Variants in IL1RAPL1 observed in about 807,000 individuals in gnomAD.
The protein encoded by IL1RAPL1 is interleukin 1 receptor accessory protein like 1, also known as interleukin-1 receptor accessory protein-like 1.
Under a neutral mutation model 48.4 loss-of-function variants are expected in IL1RAPL1, and 3 were observed. The observed-to-expected ratio is 0.06, with a 90% CI of 0.03 to 0.16. The LOEUF (loss-of-function observed/expected upper bound fraction) is 0.16, where lower values mean the gene tolerates loss of function less well. IL1RAPL1 is among the 10% of genes least tolerant of loss of function. The probability of loss-of-function intolerance (pLI) is 1.00; values close to 1 mark genes in which losing one functional copy is unlikely to be tolerated. For synonymous variants in IL1RAPL1, 185 were observed against 187.7 expected (o/e 0.99, Z 0.12); for missense variants, 349 against 530.6 (o/e 0.66, Z 3.36).
At chrX:29,834,411 A>T (rs1930947219) in intron 6 of IL1RAPL1, among the ~76,000 whole-genome samples, 1 of 111,425 alleles carries the variant, frequency 9.0e-6, no homozygotes, top group Non-Finnish European at 1.9e-5. Flanking sequence ...TTACATTTTT[A>T]AAATGGAAAT....
At chrX:29,424,651 G>T (rs1025979704) in intron 5 of IL1RAPL1, among the ~76,000 whole-genome samples, 1 of 111,799 alleles carries the variant, frequency 8.9e-6, no homozygotes, top group African/African-American at 3.3e-5. Context: ...GTGAAGCAGG[G>T]TGGTTCTGTG....
intron 2 of IL1RAPL1, among the ~76,000 whole-genome samples, chrX:29,241,163 TAG>T (rs1209109741): frequency 8.9e-6 from 1 of 111,796 alleles, no homozygotes; most frequent in African/African-American, 3.3e-5. Flanking sequence ...CTGAAACTAA[TAG>T]AGTCATACAA....
chrX:29,238,696 T>C (rs1474279362), intron 2 of IL1RAPL1, among the ~76,000 whole-genome samples: 1 of 112,260 alleles, frequency 8.9e-6, no homozygotes, highest in African/African-American at 3.2e-5. Flanking sequence ...TCATCCATTA[T>C]GTTTGGGAGG....
At chrX:28,890,974 G>A (rs1922756342) in intron 2 of IL1RAPL1, among the ~76,000 whole-genome samples, 1 of 112,291 alleles carries the variant, frequency 8.9e-6, no homozygotes, top group African/African-American at 3.2e-5. Context: ...TAAGGGTGTG[G>A]TATTTGTCTG....
intron 2 of IL1RAPL1, among the ~76,000 whole-genome samples, chrX:29,230,241 G>C (rs1931164588): frequency 9.0e-6 from 1 of 110,545 alleles, no homozygotes; most frequent in Non-Finnish European, 1.9e-5. Flanking sequence ...GAAGCCAGCT[G>C]TTAAAAACAA....
At chrX:29,950,838 G>A (rs1282487052) in intron 9 of IL1RAPL1, among the ~76,000 whole-genome samples, 1 of 109,955 alleles carries the variant, frequency 9.1e-6, no homozygotes, top group Non-Finnish European at 1.9e-5. Flanking sequence ...AACCACGCCT[G>A]GCTAAATTTT....
intron 5 of IL1RAPL1, among the ~76,000 whole-genome samples, chrX:29,453,232 A>G (rs752508966): frequency 3.6e-5 from 4 of 110,405 alleles, no homozygotes; most frequent in Non-Finnish European, 5.7e-5. Context: ...AGTGCAATCT[A>G]TATGCTGTAA....
chrX:29,519,480 C>G (rs1483031341), intron 5 of IL1RAPL1, among the ~76,000 whole-genome samples: 4 of 111,717 alleles, frequency 3.6e-5, no homozygotes, highest in Non-Finnish European at 7.5e-5. Context: ...CTGGTCACTG[C>G]AGCTGGTTAT....
At chrX:29,332,640 ATTTATTTATTTTATTTTTTT>A (rs1490947077) in intron 3 of IL1RAPL1, among the ~76,000 whole-genome samples, 3 of 96,023 alleles carry the variant, frequency 3.1e-5, no homozygotes, top group African/African-American at 1.4e-4. Flanking sequence ...TTATTTATTT[ATTTATTTATTTTATTTTTTT>A]TTTTTTATTG....
At chrX:29,461,843 G>C (rs1473640611) in intron 5 of IL1RAPL1, among the ~76,000 whole-genome samples, 1 of 111,748 alleles carries the variant, frequency 8.9e-6, no homozygotes, top group Non-Finnish European at 1.9e-5. Flanking sequence ...AAATCAGTGG[G>C]TTCCTGGGAC....
chrX:29,415,484 A>G (rs747084368), intron 5 of IL1RAPL1, among the ~76,000 whole-genome samples: 2 of 110,498 alleles, frequency 1.8e-5, no homozygotes, highest in South Asian at 7.7e-4. Flanking sequence ...CAGTGGTGCA[A>G]TCTCGGCTCA....
intron 2 of IL1RAPL1, among the ~76,000 whole-genome samples, chrX:29,211,928 A>AAG (rs1930776239): frequency 9.0e-6 from 1 of 110,812 alleles, no homozygotes; most frequent in Non-Finnish European, 1.9e-5. Context: ...TTATAGTCTC[A>AAG]GAAAATCACC....
chrX:29,612,042 A>G (rs1924112857), intron 5 of IL1RAPL1, among the ~76,000 whole-genome samples: 1 of 111,209 alleles, frequency 9.0e-6, no homozygotes, highest in African/African-American at 3.3e-5. Flanking sequence ...ATAGGGGGGC[A>G]TAGTAGGACA....
At chrX:28,663,212 C>T (rs1040780600) in intron 1 of IL1RAPL1, among the ~76,000 whole-genome samples, 1 of 109,192 alleles carries the variant, frequency 9.2e-6, no homozygotes, top group African/African-American at 3.4e-5. Flanking sequence ...AGGAAGTTTA[C>T]ACAGAATATT....
At chrX:29,944,062 A>C (rs947398612) in intron 9 of IL1RAPL1, among the ~76,000 whole-genome samples, 17 of 111,981 alleles carry the variant, frequency 1.5e-4, no homozygotes, top group African/African-American at 4.9e-4. Context: ...AGGCCATCTT[A>C]AGCACAATCG....
chrX:29,786,632 A>C (rs1408108640), intron 6 of IL1RAPL1, among the ~76,000 whole-genome samples: 3 of 108,687 alleles, frequency 2.8e-5, no homozygotes, highest in Non-Finnish European at 3.9e-5. Context: ...GGAGGGAGAG[A>C]GGAAGAAGAA....
chrX:29,707,091 C>T (rs373077351), intron 6 of IL1RAPL1, among the ~76,000 whole-genome samples: 2 of 110,452 alleles, frequency 1.8e-5, no homozygotes, highest in African/African-American at 6.6e-5. Flanking sequence ...AACAAATCAG[C>T]GAGAAAAAAA....
intron 2 of IL1RAPL1, among the ~76,000 whole-genome samples, chrX:29,193,692 A>C (rs1930392737): frequency 9.0e-6 from 1 of 111,409 alleles, no homozygotes; most frequent in Admixed American, 9.6e-5. Flanking sequence ...GAAACAGCCT[A>C]TATCTTGGTT....
At chrX:28,884,887 A>G (rs2079018305) in intron 2 of IL1RAPL1, among the ~76,000 whole-genome samples, 1 of 111,819 alleles carries the variant, frequency 8.9e-6, no homozygotes, top group Non-Finnish European at 1.9e-5. Flanking sequence ...ATGCTTGCCT[A>G]ATGTGATTTA....
Sources: allele counts gnomAD v4.1 joint callset (sites outside exome capture counted in the v4.1 genomes callset), GRCh38; gene constraint gnomAD v4.1.1; transcripts MANE v1.5; gene names NCBI Gene and HGNC (gene_info 2026-07-23, HGNC 2026-07-21).